The following MGST1 variants were observed in gnomAD, a reference collection of about 807,000 sequenced individuals.
The protein encoded by MGST1 is glutathione S-transferase 12.
MGST1 carries 5 observed loss-of-function variants against 8.9 expected under a neutral mutation model. The ratio of observed to expected loss-of-function variants is 0.56; its 90% confidence interval spans 0.29 to 1.19. The LOEUF (loss-of-function observed/expected upper bound fraction) is 1.19. MGST1 is among the 50% of genes most tolerant of loss of function. The pLI is 0.08. For synonymous variants in MGST1, 54 were observed against 67.8 expected (o/e 0.80, Z 1.00); for missense variants, 182 against 187.4 (o/e 0.97, Z 0.17).
At chr12:16,491,624 T>A (rs1941438735) in intron 4 of MGST1, among the ~76,000 whole-genome samples, 1 of 152,152 alleles carries the variant, frequency 6.6e-6, no homozygotes, top group African/African-American at 2.4e-5. Context: ...TGAATAAATG[T>A]AAGTACTTTA....
chr12:16,470,365 T>C (rs1941283498), intron 4 of MGST1, among the ~76,000 whole-genome samples: 1 of 152,206 alleles, frequency 6.6e-6, no homozygotes, highest in African/African-American at 2.4e-5. Context: ...AGATTCCAAT[T>C]AGGTTGAGTT....
chr12:16,500,430 CT>C lies in MGST1; in HGVS notation n.483-89094del, dbSNP rs779608902. On this transcript the variant is annotated intron_variant and non_coding_transcript_variant, in intron 4 of 4. Coordinates refer to the MGST1 transcript ENST00000538857. The surrounding 1 kb of genome is among the most constrained non-coding windows in gnomAD (Gnocchi z 4.3). Reference sequence around the variant, plus strand: ...GGACACATTTCAAGCAGTTTCAACTCTTTTAATTAGAATTTATTTTTAGATA... The same window carrying C: ...GGACACATTTCAAGCAGTTTCAACTCTTTAATTAGAATTTATTTTTAGATA... 6.6e-6 allele frequency among the ~76,000 whole-genome samples: 1 copy of C among 152,164 alleles called. No individual in the cohort carries two copies. Among genetic ancestry groups the C allele is most frequent in the South Asian group, 2.1e-4 (1 of 4,830 alleles).
intron 4 of MGST1, among the ~76,000 whole-genome samples, chr12:16,579,898 T>C (rs1365542120): frequency 1.3e-5 from 2 of 152,182 alleles, no homozygotes; most frequent in East Asian, 3.8e-4. Flanking sequence ...TTATACCCAC[T>C]AGGTTTAATT....
chr12:16,505,807 G>T (rs1591747180), intron 4 of MGST1, among the ~76,000 whole-genome samples: 1 of 152,008 alleles, frequency 6.6e-6, no homozygotes, highest in Non-Finnish European at 1.5e-5. Flanking sequence ...CTTCAAGCAG[G>T]GTCACAAACT....
At chr12:16,467,034 G>A (rs1336556213) in intron 4 of MGST1, among the ~76,000 whole-genome samples, 1 of 151,716 alleles carries the variant, frequency 6.6e-6, no homozygotes, top group Non-Finnish European at 1.5e-5. Context: ...AAGACAGGAA[G>A]CAGCACAGAC....
chr12:16,541,138 G>T (rs1407718108), intron 4 of MGST1, among the ~76,000 whole-genome samples: 1 of 152,010 alleles, frequency 6.6e-6, no homozygotes, highest in African/African-American at 2.4e-5. Flanking sequence ...TCATTAAAAA[G>T]TCTATTTGTA....
intron 4 of MGST1, among the ~76,000 whole-genome samples, chr12:16,525,471 A>G (rs1428102217): frequency 1.3e-5 from 2 of 150,926 alleles, no homozygotes; most frequent in Non-Finnish European, 3.0e-5. Context: ...AAGCACATGA[A>G]CTCATCATTT....
At chr12:16,377,046 C>T (rs945915453) in exon 4 of MGST1, 20 of 151,730 alleles carry the variant, frequency 1.3e-4, no homozygotes, top group African/African-American at 4.8e-4. Context: ...TCAAAACTTA[C>T]ATTAATTAGA....
chr12:16,351,117 A>G (rs1939442376), intron 1 of MGST1, among the ~76,000 whole-genome samples: 1 of 152,204 alleles, frequency 6.6e-6, no homozygotes, highest in Non-Finnish European at 1.5e-5. Flanking sequence ...AGGCCTATAG[A>G]GAATGTTTTA....
rs1591710901 is a variant in MGST1 at position 16,376,291 on chromosome 12, T to C, written c.*127T>C. ...ATGAGTTAATGGATTCAAGCAAAGA[T>C]TATCCACGGCTGTTAACAACACAAA... On this transcript the variant is annotated 3_prime_UTR_variant, in exon 4 of 4. Coordinates refer to the MGST1 transcript ENST00000535309. The C allele has an allele frequency of 2.2e-5, 11 of 498,262 alleles. No homozygotes were observed. In the East Asian group the frequency reaches 3.2e-4, roughly 14 times the overall value. The allele number at this position is 498,262 out of a possible 1,614,324, so 30.9% of individuals were successfully genotyped here.
Position 16,495,018 on chromosome 12 carries a change from C to G in MGST1, n.483-94510C>G, listed in dbSNP as rs376417456. The stretch of plus-strand genomic sequence containing the variant: ...GTTAAAATTCTGGTTGTACCAAATA[C>G]GCACCAGCTGTATGGAGTTAGGCAA... On this transcript the variant is annotated intron_variant and non_coding_transcript_variant, in intron 4 of 4. Transcript: ENST00000538857. Among the ~76,000 whole-genome samples, 5 of 152,132 alleles carry G rather than the reference C, an allele frequency of 3.3e-5. No individual in the cohort carries two copies. In the East Asian group the frequency reaches 7.7e-4, roughly 23 times the overall value.
chr12:16,431,930 T>C (rs1312049318), intron 1 of MGST1, among the ~76,000 whole-genome samples: 1 of 152,202 alleles, frequency 6.6e-6, no homozygotes, highest in Non-Finnish European at 1.5e-5. Context: ...TCATATTTTT[T>C]CCCTAAAATT....
At chr12:16,444,183 G>GTTTT (rs1161206533) in intron 4 of MGST1, among the ~76,000 whole-genome samples, 8 of 128,494 alleles carry the variant, frequency 6.2e-5, no homozygotes, top group Non-Finnish European at 1.0e-4. Context: ...GGCTGATTTG[G>GTTTT]TTTTTTTTTT....
intron 1 of MGST1, among the ~76,000 whole-genome samples, chr12:16,436,278 A>G (rs2137098459): frequency 6.6e-6 from 1 of 152,092 alleles, no homozygotes; most frequent in Middle Eastern, 3.4e-3. Context: ...TGCGTGATAA[A>G]ACAGACAAGG....
At chr12:16,504,430 A>G (rs11056959) in intron 4 of MGST1, among the ~76,000 whole-genome samples, 27,921 of 151,990 alleles carry the variant, frequency 0.18, 3,386 homozygotes, top group African/African-American at 0.34. Context: ...GTTTTCTGAT[A>G]TAAATTGCCT....
intron 4 of MGST1, among the ~76,000 whole-genome samples, chr12:16,528,827 A>T (rs1413448190): frequency 1.3e-5 from 2 of 152,028 alleles, no homozygotes; most frequent in Non-Finnish European, 2.9e-5. Context: ...GCCCATGTGG[A>T]TTGGGGATGC....
At chr12:16,377,414 G>A (rs1440766056), downstream of MGST1, among the ~76,000 whole-genome samples, 2 of 150,450 alleles carry the variant, frequency 1.3e-5, no homozygotes, top group African/African-American at 4.9e-5. Context: ...TTTTGTCCTT[G>A]CGATAGTTTG....
Position 16,361,109 on chromosome 12 carries a change from A to C in MGST1, c.222-2686A>C, listed in dbSNP as rs1180138071. 6.6e-6 allele frequency among the ~76,000 whole-genome samples: 1 copy of C among 151,920 alleles called. No individual in the cohort carries two copies. Among genetic ancestry groups the C allele is most frequent in the Non-Finnish European group, 1.5e-5 (1 of 68,026 alleles). On this transcript the variant is annotated intron_variant, in intron 3 of 3. Transcript: ENST00000396210. The surrounding 1 kb of genome is among the most constrained non-coding windows in gnomAD (Gnocchi z 4.2). Reference sequence around the variant, plus strand: ...TTGAAGAGTATTAGGATTTGAAAGGAGAAAGAGGAGAGAAGTCTCATCAAT... The same window carrying C: ...TTGAAGAGTATTAGGATTTGAAAGGCGAAAGAGGAGAGAAGTCTCATCAAT...
intron 4 of MGST1, chr12:16,514,454 C>A (rs10846374): frequency 3.8e-6 from 1 of 260,262 alleles, no homozygotes; most frequent in South Asian, 4.1e-5. Flanking sequence ...CTCAGCTGGT[C>A]TCTAACCTCA....
Sources: gnomAD v4.1 joint callset for allele counts (sites outside exome capture counted in the v4.1 genomes callset) on GRCh38, gnomAD v4.1.1 for gene constraint, Gnocchi (gnomAD v3.1) non-coding constraint, MANE v1.5 for transcripts, NCBI Gene and HGNC (gene_info 2026-07-23, HGNC 2026-07-21) for gene names.